The following SRFBP1 variants were observed in gnomAD, a reference collection of about 807,000 sequenced individuals.
SRFBP1 encodes the protein serum response factor binding protein 1.
SRFBP1 carries 47 observed loss-of-function variants against 45.5 expected under a neutral mutation model. The ratio of observed to expected loss-of-function variants is 1.03; its 90% confidence interval spans 0.82 to 1.32. SRFBP1 has a LOEUF of 1.32. Among genes scored for constraint, SRFBP1 ranks in the 40% most tolerant of loss-of-function variants. SRFBP1 has a pLI of 0.00. For synonymous variants in SRFBP1, 203 were observed against 166.3 expected (o/e 1.22, Z -1.70); for missense variants, 621 against 484.6 (o/e 1.28, Z -2.64).
chr5:121,968,080 G>C (rs1430740187), intron 1 of SRFBP1, among the ~76,000 whole-genome samples: 1 of 151,800 alleles, frequency 6.6e-6, no homozygotes, highest in Non-Finnish European at 1.5e-5. Context: ...TCTATACCCA[G>C]TGTATAGTAT....
chr5:121,978,718 C>T (rs965878886), intron 3 of SRFBP1, among the ~76,000 whole-genome samples: 2 of 152,156 alleles, frequency 1.3e-5, no homozygotes, highest in African/African-American at 4.8e-5. Context: ...TCTCGAACGC[C>T]TGACCTCAGG....
chr5:122,054,922 C>G (rs1754052699), intron 2 of SRFBP1, among the ~76,000 whole-genome samples: 1 of 152,180 alleles, frequency 6.6e-6, no homozygotes, highest in Admixed American at 6.5e-5. Context: ...CATTTACATT[C>G]TGTAATACCA....
intron 4 of SRFBP1, among the ~76,000 whole-genome samples, chr5:122,011,656 T>C (rs1388720275): frequency 1.3e-5 from 2 of 152,152 alleles, no homozygotes; most frequent in African/African-American, 4.8e-5. Context: ...TAGAGCAACA[T>C]TGTGAGCTTC....
At chr5:121,971,846 A>C (rs1752206140) in intron 1 of SRFBP1, among the ~76,000 whole-genome samples, 1 of 152,042 alleles carries the variant, frequency 6.6e-6, no homozygotes, top group Non-Finnish European at 1.5e-5. Context: ...AAGTGGTCAA[A>C]AATGTCAAAT....
At chr5:122,016,399 C>T (rs952228900) in intron 4 of SRFBP1, among the ~76,000 whole-genome samples, 3 of 152,072 alleles carry the variant, frequency 2.0e-5, no homozygotes, top group Non-Finnish European at 4.4e-5. Flanking sequence ...AATTCTTTTC[C>T]TTCATAATTT....
chr5:122,038,996 G>A (rs1409183713), intron 2 of SRFBP1, among the ~76,000 whole-genome samples: 1 of 152,126 alleles, frequency 6.6e-6, no homozygotes, highest in East Asian at 1.9e-4. Flanking sequence ...CAAGAGGATG[G>A]CTCTAGTGCT....
intron 2 of SRFBP1, chr5:122,070,234 T>C: frequency 1.1e-6 from 1 of 921,400 alleles, no homozygotes; most frequent in Non-Finnish European, 1.8e-6. Flanking sequence ...AAATTGTTAA[T>C]GAGGACTTAG....
rs143511432 is a variant in SRFBP1 at position 121,962,015 on chromosome 5, CAT to C, written c.-15_-14del. ...GGTTCACGTGCAGGCAGCGGCGGAT[CAT>C]ATTCCTTCATCTACCATGGCTCAGC... On this transcript the variant is annotated 5_prime_UTR_variant, in exon 1 of 8. Transcript: ENST00000339397. The C allele has an allele frequency of 0.041, 66,530 of 1,613,830 alleles. 1,532 individuals carry two copies. The highest frequency in any genetic ancestry group is 0.051 in the African/African-American group (3,835 of 74,996).
At chr5:122,032,144 T>A (rs1031510811), downstream of SRFBP1, among the ~76,000 whole-genome samples, 2 of 152,220 alleles carry the variant, frequency 1.3e-5, no homozygotes, top group African/African-American at 4.8e-5. Context: ...TAAAAAGATA[T>A]ATATAAAGTT....
chr5:122,075,746 A>G (rs187127081), downstream of SRFBP1, among the ~76,000 whole-genome samples: 3 of 152,310 alleles, frequency 2.0e-5, no homozygotes, highest in African/African-American at 4.8e-5. Flanking sequence ...TCAGAGCTCA[A>G]TGAATATTTG....
intron 4 of SRFBP1, among the ~76,000 whole-genome samples, chr5:122,016,963 G>A (rs1056324135): frequency 1.2e-4 from 18 of 152,146 alleles, no homozygotes; most frequent in African/African-American, 4.3e-4. Flanking sequence ...AGGCGCGGTG[G>A]CTCACACCTG....
chr5:121,973,232 G>T (rs147325711), intron 1 of SRFBP1, among the ~76,000 whole-genome samples: 105 of 151,932 alleles, frequency 6.9e-4, no homozygotes, highest in African/African-American at 2.3e-3. Context: ...TAGTAACAGT[G>T]CAGTGAGGTA....
rs779190354 is a variant in SRFBP1, at chr5:121,962,057, C to G, written c.25C>G (p.Leu9Val). The G allele has an allele frequency of 6.2e-7, 1 of 1,613,980 alleles. No individual in the cohort carries two copies. Among genetic ancestry groups the G allele is most frequent in the Admixed American group, 1.7e-5 (1 of 60,000 alleles). ...CATGGCTCAGCCGGGAACTCTGAAC[C>G]TCAATAACGAGGTGAGCGCCGAGGA... MAQPGTLN[L>V]NNEVVKMRKE... is the part of the protein sequence containing the mutation. The change falls in exon 1 of 8, where the codon CTC becomes GTC. Residue 9 changes from leucine to valine, a missense_variant. Transcript: ENST00000339397.
At chr5:122,040,818 C>G (rs1293182583) in intron 2 of SRFBP1, among the ~76,000 whole-genome samples, 1 of 152,084 alleles carries the variant, frequency 6.6e-6, no homozygotes, top group African/African-American at 2.4e-5. Flanking sequence ...CTGCAAGCCT[C>G]CCTCCCTCAA....
chr5:122,032,455 T>C (rs78944599), downstream of SRFBP1, among the ~76,000 whole-genome samples: 615 of 152,046 alleles, frequency 4.0e-3, 15 homozygotes, highest in East Asian at 0.052. Flanking sequence ...TGTGTTCCTG[T>C]TTGCACAGAT....
intron 1 of SRFBP1, among the ~76,000 whole-genome samples, chr5:121,963,862 A>G (rs1752004638): frequency 6.6e-6 from 1 of 152,194 alleles, no homozygotes; most frequent in African/African-American, 2.4e-5. Context: ...TTAGTGGGAA[A>G]AAAAACCCAC....
At chr5:121,984,868 G>T (rs541165945) in intron 3 of SRFBP1, among the ~76,000 whole-genome samples, 1 of 151,862 alleles carries the variant, frequency 6.6e-6, no homozygotes, top group African/African-American at 2.4e-5. Context: ...TAGACCAGAA[G>T]CTAAAGTAGC....
chr5:122,016,702 G>A (rs1376973140), intron 4 of SRFBP1, among the ~76,000 whole-genome samples: 1 of 152,114 alleles, frequency 6.6e-6, no homozygotes, highest in Non-Finnish European at 1.5e-5. Context: ...CAGGATACTA[G>A]CAATAACCTT....
chr5:121,969,263 C>T (rs1292907127), intron 1 of SRFBP1, among the ~76,000 whole-genome samples: 3 of 152,076 alleles, frequency 2.0e-5, no homozygotes, highest in African/African-American at 4.8e-5. Context: ...CATTCTTTTC[C>T]TGTATACTGA....
Sources: allele counts gnomAD v4.1 joint callset (sites outside exome capture counted in the v4.1 genomes callset), GRCh38; gene constraint gnomAD v4.1.1; transcripts MANE v1.5; gene names NCBI Gene and HGNC (gene_info 2026-07-23, HGNC 2026-07-21).